Variants in HIP1 observed in about 807,000 individuals in gnomAD.
HIP1 encodes the protein huntingtin-interacting protein 1.
In HIP1, 65 loss-of-function variants were observed where a neutral mutation model predicts 147.6. The ratio of observed to expected loss-of-function variants is 0.44; its 90% confidence interval spans 0.36 to 0.54. The LOEUF (loss-of-function observed/expected upper bound fraction) is 0.54, where lower values mean the gene tolerates loss of function less well. Ranked by LOEUF, HIP1 falls within the 20% of genes least tolerant of loss-of-function variation. HIP1 has a pLI of 0.00. For missense variants in HIP1, 1,061 were observed against 1,299.6 expected (o/e 0.82, Z 2.82); for synonymous variants, 479 against 504.0 (o/e 0.95, Z 0.67).
At chr7:75,545,890 G>A (rs895438449) in intron 25 of HIP1, among the ~76,000 whole-genome samples, 2 of 152,100 alleles carry the variant, frequency 1.3e-5, no homozygotes, top group African/African-American at 2.4e-5. Context: ...GCAGTGAGCC[G>A]AGATTGCACC....
chr7:75,576,318 G>A (rs1554497679), intron 7 of HIP1, among the ~76,000 whole-genome samples: 1 of 152,200 alleles, frequency 6.6e-6, no homozygotes, highest in Non-Finnish European at 1.5e-5. Context: ...ATCACCTGGG[G>A]AAACTGAAAC....
chr7:75,560,022 C>A, intron 13 of HIP1, 107 bp from the exon 14 acceptor site: 1 of 1,114,556 alleles, frequency 9.0e-7, no homozygotes, highest in South Asian at 1.6e-5. Flanking sequence ...CCTGATTCCC[C>A]TAAGTCAACT....
chr7:75,662,033 TG>T (rs1799335334), intron 1 of HIP1, among the ~76,000 whole-genome samples: 1 of 99,972 alleles, frequency 1.0e-5, no homozygotes, highest in South Asian at 3.3e-4. Context: ...TGAGGAGGGG[TG>T]GACTGGAGAG....
At chr7:75,723,398 GC>G (rs1331517496) in intron 1 of HIP1, among the ~76,000 whole-genome samples, 1 of 152,060 alleles carries the variant, frequency 6.6e-6, no homozygotes, top group African/African-American at 2.4e-5. Context: ...AACAAACCCA[GC>G]CATTTATTAT....
intron 4 of HIP1, among the ~76,000 whole-genome samples, chr7:75,591,802 T>C (rs1163821661): frequency 6.6e-6 from 1 of 150,912 alleles, no homozygotes; most frequent in African/African-American, 2.4e-5. Flanking sequence ...CTTTGTGACA[T>C]GAGTTTATGA....
chr7:75,636,916 A>C (rs1798444997), intron 1 of HIP1, among the ~76,000 whole-genome samples: 1 of 152,112 alleles, frequency 6.6e-6, no homozygotes, highest in African/African-American at 2.4e-5. Context: ...TGTACCAGCC[A>C]AATGTCTTCA....
intron 1 of HIP1, among the ~76,000 whole-genome samples, chr7:75,658,918 AAAAC>A (rs1204626499): frequency 5.3e-5 from 8 of 152,094 alleles, no homozygotes; most frequent in African/African-American, 1.7e-4. Flanking sequence ...CATACACACA[AAAAC>A]AAACAAACAA....
chr7:75,554,281 C>T, intron 20 of HIP1, 61 bp from the exon 21 acceptor site: 1 of 1,439,808 alleles, frequency 6.9e-7, no homozygotes, highest in Non-Finnish European at 9.7e-7. Context: ...TTCATACCCT[C>T]TCCTCCCGTT....
chr7:75,724,341 G>A (rs185864372), intron 1 of HIP1, among the ~76,000 whole-genome samples: 62 of 152,180 alleles, frequency 4.1e-4, no homozygotes, highest in African/African-American at 1.4e-3. Context: ...TCTGCCTCCC[G>A]GGTTCAAGCG....
At chr7:75,706,473 C>CTTTTTTTTTTTTATTTTTTTTTTTTTTTT (rs139655610) in intron 1 of HIP1, among the ~76,000 whole-genome samples, 2 of 138,092 alleles carry the variant, frequency 1.4e-5, no homozygotes, top group Non-Finnish European at 3.1e-5. Flanking sequence ...TATATATCTT[C>CTTTTTTTTTTTTATTTTTTTTTTTTTTTT]TTTTTTTTTA....
At chr7:75,637,992 CCACACACACACATACACACACACA>C (rs1395599925) in intron 1 of HIP1, among the ~76,000 whole-genome samples, 22 of 48,620 alleles carry the variant, frequency 4.5e-4, no homozygotes, top group East Asian at 1.7e-3. Context: ...CCCCCCCCCC[CCACACACACACATACACACACACA>C]CACACACACA....
intron 1 of HIP1, among the ~76,000 whole-genome samples, chr7:75,630,458 CAAAAA>C (rs34336932): frequency 2.9e-5 from 3 of 105,252 alleles, no homozygotes; most frequent in Non-Finnish European, 4.0e-5. Flanking sequence ...AGATCCACCT[CAAAAA>C]AAAAAAAAAA....
intron 1 of HIP1, among the ~76,000 whole-genome samples, chr7:75,668,352 T>A (rs1270211283): frequency 2.0e-5 from 3 of 152,130 alleles, no homozygotes; most frequent in Non-Finnish European, 4.4e-5. Context: ...GAGACAGAGT[T>A]TCACTCTTGT....
chr7:75,736,151 C>A (rs1481522248), intron 1 of HIP1, among the ~76,000 whole-genome samples: 2 of 147,192 alleles, frequency 1.4e-5, no homozygotes, highest in South Asian at 2.2e-4. Context: ...CCACCCACCC[C>A]ACCCAGGTCA....
At chr7:75,640,030 G>C (rs1200621165) in intron 1 of HIP1, among the ~76,000 whole-genome samples, 1 of 152,166 alleles carries the variant, frequency 6.6e-6, no homozygotes, top group East Asian at 1.9e-4. Context: ...CCAGAATCCC[G>C]ATGTCCCTTT....
chr7:75,683,435 G>A (rs1800160294), intron 1 of HIP1, among the ~76,000 whole-genome samples: 1 of 80,112 alleles, frequency 1.2e-5, no homozygotes, highest in African/African-American at 5.9e-5. Context: ...CATTTACTCG[G>A]ACTCGTTGGG....
At chr7:75,725,599 T>C (rs1801626628) in intron 1 of HIP1, among the ~76,000 whole-genome samples, 1 of 152,180 alleles carries the variant, frequency 6.6e-6, no homozygotes, top group Non-Finnish European at 1.5e-5. Context: ...AATGTCCTTT[T>C]GTGTCTGCCT....
chr7:75,586,884 A>G (rs1167787), intron 4 of HIP1, 51 bp from the exon 5 acceptor site: 261,178 of 1,078,244 alleles, frequency 0.24, 34,055 homozygotes, highest in African/African-American at 0.41. Context: ...CATAACAGTC[A>G]AGAGATCTGC....
chr7:75,696,957 C>G (rs148781008), intron 1 of HIP1, among the ~76,000 whole-genome samples: 8 of 151,684 alleles, frequency 5.3e-5, no homozygotes, highest in Admixed American at 1.3e-4. Context: ...GTCCTCCCCC[C>G]ATCCCAAAAT....
Sources: allele counts gnomAD v4.1 joint callset (sites outside exome capture counted in the v4.1 genomes callset), GRCh38; gene constraint gnomAD v4.1.1; transcripts MANE v1.5; gene names NCBI Gene and HGNC (gene_info 2026-07-23, HGNC 2026-07-21).